The following CRY2 variants were observed in gnomAD, a reference collection of about 807,000 sequenced individuals.
CRY2 encodes the protein cryptochrome circadian regulator 2, also known as cryptochrome-2.
Under a neutral mutation model 69.5 loss-of-function variants are expected in CRY2, and 31 were observed. That is an observed-to-expected ratio of 0.45 (90% CI 0.34 to 0.60). The LOEUF (loss-of-function observed/expected upper bound fraction) is 0.60. CRY2 is among the 20% of genes least tolerant of loss of function. CRY2 has a pLI of 0.02. For synonymous variants in CRY2, 303 were observed against 312.2 expected (o/e 0.97, Z 0.31); for missense variants, 606 against 797.8 (o/e 0.76, Z 2.90).
rs2086477025 is a variant in CRY2 at position 45,882,003 on chromosome 11, C to G, written c.*1092C>G. The G allele has an allele frequency of 6.6e-6, 1 of 152,284 alleles. No individual in the cohort carries two copies. Among genetic ancestry groups the G allele is most frequent in the Non-Finnish European group, 1.5e-5 (1 of 68,086 alleles). The allele number at this position is 152,284 out of a possible 1,614,324, so 9.4% of individuals were successfully genotyped here. On this transcript the variant is annotated 3_prime_UTR_variant, in exon 12 of 12. Coordinates refer to ENST00000616080, the MANE Select transcript of CRY2 (RefSeq NM_021117.5). ...AGCTCCAAGGACTCAGGCAGAGGGACTCAGGGATGGGGACTGCCAGGGGCA... is the reference window on the plus strand; with the variant it reads ...AGCTCCAAGGACTCAGGCAGAGGGAGTCAGGGATGGGGACTGCCAGGGGCA...
intron 5 of CRY2, 98 bp downstream of exon 5, chr11:45,862,246 A>G: frequency 8.5e-7 from 1 of 1,170,214 alleles, no homozygotes; most frequent in Non-Finnish European, 1.2e-6. Flanking sequence ...CTTAGCTCAC[A>G]TTGTTTGGAA....
intron 3 of CRY2, 61 bp downstream of exon 3, chr11:45,858,934 G>A: frequency 5.1e-6 from 8 of 1,578,800 alleles, no homozygotes; most frequent in Non-Finnish European, 6.9e-6. Flanking sequence ...TTGGGCCCCT[G>A]CTGAGCGGAA....
chr11:45,870,470 G>T lies in CRY2; in HGVS notation c.1487G>T (p.Ser496Ile). ...CCCATCGTCAACCATGCCGAGACCA[G>T]CCGGCTTAACATTGAACGAATGAAG... ...PRPIVNHAET[S>I]RLNIERMKQI... Residue 496 changes from serine to isoleucine, a missense_variant, in exon 9 of 12, where the codon AGC becomes ATC. Around this residue, in one of 5 missense-constraint regions of CRY2, gnomAD observed 173 missense variants for 213.7 expected, o/e 0.81. Transcript: ENST00000616080. The T allele has an allele frequency of 6.2e-7, 1 of 1,614,246 alleles. No individual in the cohort carries two copies. Among genetic ancestry groups the T allele is most frequent in the Non-Finnish European group, 8.5e-7 (1 of 1,180,042 alleles).
At chr11:45,847,248 G>A (rs777585756), upstream of CRY2, 4 of 1,551,204 alleles carry the variant, frequency 2.6e-6, no homozygotes, top group Non-Finnish European at 2.6e-6. Context: ...TCACTTGTCC[G>A]CATGCCAGCT....
rs751838088 is a variant in CRY2, at chr11:45,882,307, G to A, written c.*1396G>A. 6.8e-5 allele frequency: 17 copies of A among 250,338 alleles called. No homozygotes were observed. Among genetic ancestry groups the A allele is most frequent in the South Asian group, 1.8e-4 (1 of 5,654 alleles). 15.5% of individuals were successfully genotyped at this position (250,338 alleles called of 1,614,324 possible). ...GTGTGTGGTACGTGTGTGTGTGTGT[G>A]GCTATGAGGCTGATTCCTGTTTGGA... On this transcript the variant is annotated 3_prime_UTR_variant, in exon 12 of 12. Transcript: ENST00000616080.
intron 5 of CRY2, 147 bp downstream of exon 5, chr11:45,862,295 C>T (rs1384424394): frequency 3.5e-5 from 23 of 661,150 alleles, no homozygotes; most frequent in Non-Finnish European, 5.3e-5. Context: ...GCCATAACAA[C>T]AGCAACACTA....
intron 1 of CRY2, among the ~76,000 whole-genome samples, chr11:45,851,296 T>A (rs2086197854): frequency 6.6e-6 from 1 of 152,236 alleles, no homozygotes; most frequent in Non-Finnish European, 1.5e-5. Flanking sequence ...CTGCGCCTCT[T>A]TCAGGAGCTT....
rs1401909532 is a variant in CRY2 at position 45,870,374 on chromosome 11, A to G, written c.1391A>G (p.Tyr464Cys). The G allele has an allele frequency of 7.4e-6, 12 of 1,614,224 alleles. No individual in the cohort carries two copies. The highest frequency in any genetic ancestry group is 2.2e-5 in the East Asian group (1 of 44,886). ...KLKAFPSRYIYEPWNAPESIQ... is the reference protein window; with the variant it reads ...KLKAFPSRYICEPWNAPESIQ... ...AAAGCGTTCCCCTCTCGATACATCT[A>G]TGAGCCCTGGAATGCCCCAGAGTCA... Residue 464 changes from tyrosine (Y) to cysteine (C), a missense_variant, in exon 9 of 12, where the codon TAT (tyrosine) becomes TGT (cysteine). By Grantham distance (194) the Tyr-to-Cys change is radical. Transcript: ENST00000616080.
chr11:45,859,952 A>G (rs1194334362), intron 3 of CRY2, among the ~76,000 whole-genome samples: 2 of 152,096 alleles, frequency 1.3e-5, no homozygotes, highest in African/African-American at 4.8e-5. Flanking sequence ...GCCAGAGGAG[A>G]GGGAGGCATA....
At chr11:45,858,515 C>A in intron 2 of CRY2, 2 of 541,110 alleles carry the variant, frequency 3.7e-6, no homozygotes, top group South Asian at 5.0e-5. Flanking sequence ...TCCACTGTTG[C>A]TGTGCTGTTG....
At chr11:45,879,094 T>C (rs947096679) in intron 11 of CRY2, among the ~76,000 whole-genome samples, 5 of 151,666 alleles carry the variant, frequency 3.3e-5, no homozygotes, top group African/African-American at 1.2e-4. Context: ...CCAGGTGTGG[T>C]GGCACATGCC....
rs773287335 is a variant in CRY2, at chr11:45,869,753, G to A, written c.1130G>A (p.Arg377Gln). 7.4e-6 allele frequency: 12 copies of A among 1,613,730 alleles called. No individual in the cohort carries two copies. Among genetic ancestry groups the A allele is most frequent in the Admixed American group, 1.7e-5 (1 of 60,004 alleles). The change falls in exon 7 of 12, where the codon CGG becomes CAG. Residue 377 changes from arginine (R) to glutamine (Q), a missense_variant. Physicochemically the swap from Arg to Gln is conservative, Grantham distance 43 (BLOSUM62 1). Transcript: ENST00000616080. ...GAGGGCTGGATCCACCACCTGGCCC[G>A]GCATGCCGTGGCCTGCTTCCTGACC... ...RQEGWIHHLA[R>Q]HAVACFLTRG...
intron 11 of CRY2, among the ~76,000 whole-genome samples, chr11:45,875,135 G>A (rs1011959368): frequency 6.6e-6 from 1 of 152,194 alleles, no homozygotes; most frequent in African/African-American, 2.4e-5. Context: ...ATTGCCTCCT[G>A]AACACATTTT....
intron 1 of CRY2, among the ~76,000 whole-genome samples, chr11:45,850,998 C>T (rs983261627): frequency 3.3e-5 from 5 of 150,734 alleles, no homozygotes; most frequent in Non-Finnish European, 7.4e-5. Context: ...GGGAAGTTTA[C>T]GGGCTAATTG....
chr11:45,865,164 A>C (rs1462535026), intron 5 of CRY2, among the ~76,000 whole-genome samples: 1 of 152,246 alleles, frequency 6.6e-6, no homozygotes, highest in Non-Finnish European at 1.5e-5. Context: ...AACTGTGAAA[A>C]GATAAAGTCC....
chr11:45,867,857 T>A, intron 6 of CRY2, 105 bp downstream of exon 6: 1 of 1,496,636 alleles, frequency 6.7e-7, no homozygotes, highest in Non-Finnish European at 9.1e-7. Flanking sequence ...GGTTGGGCTA[T>A]GGCCCCTGGA....
Position 45,847,748 on chromosome 11 carries a change from C to G in CRY2, c.215+43C>G, listed in dbSNP as rs996331223. 12 of 1,515,862 alleles carry G rather than the reference C, an allele frequency of 7.9e-6. No homozygotes were observed. The Admixed American group carries it at 1.6e-4, about 21-fold the overall frequency. The allele number at this position is 1,515,862 out of a possible 1,614,324, so 93.9% of individuals were successfully genotyped here. On this transcript the variant is annotated intron_variant, in intron 1 of 11. Coordinates refer to ENST00000616080, the MANE Select transcript of CRY2 (RefSeq NM_021117.5). ...TGGGTGGCGGGGACGCAGCCAGGAC[C>G]CTGACCCTGGGGTGACCGGCGAACA...
chr11:45,858,974 G>A (rs1321385731), intron 3 of CRY2, 101 bp downstream of exon 3: 1 of 1,404,428 alleles, frequency 7.1e-7, no homozygotes, highest in Non-Finnish European at 9.7e-7. Flanking sequence ...AGGGCTACCT[G>A]ACCCAGGAGG....
chr11:45,847,452 C>T (rs775009877), upstream of CRY2: 16 of 1,593,576 alleles, frequency 1.0e-5, no homozygotes, highest in Non-Finnish European at 1.3e-5. Flanking sequence ...CGTCGCCTAC[C>T]GGGGCGGAGC....
Sources: allele counts gnomAD v4.1 joint callset (sites outside exome capture counted in the v4.1 genomes callset), GRCh38; gene constraint gnomAD v4.1.1; regional missense constraint gnomAD v4.1.1; transcripts MANE v1.5; gene names NCBI Gene and HGNC (gene_info 2026-07-23, HGNC 2026-07-21).